Variants in CLSTN2 observed in about 807,000 individuals in gnomAD.
CLSTN2 encodes calsyntenin 2, also known as calsyntenin-2.
In CLSTN2, 48 loss-of-function variants were observed where a neutral mutation model predicts 101.2. The ratio of observed to expected loss-of-function variants is 0.47; its 90% CI spans 0.38 to 0.60. CLSTN2 has a LOEUF of 0.60. Among genes scored for constraint, CLSTN2 ranks in the 20% least tolerant of loss-of-function variants. The pLI, the probability that CLSTN2 is intolerant of heterozygous loss-of-function variation, is 0.00. For missense variants in CLSTN2, 1,160 were observed against 1,238.2 expected (o/e 0.94, Z 0.95); for synonymous variants, 481 against 463.6 (o/e 1.04, Z -0.48).
At chr3:140,151,008 T>G (rs59850626) in intron 1 of CLSTN2, among the ~76,000 whole-genome samples, 1 of 151,834 alleles carries the variant, frequency 6.6e-6, no homozygotes, top group Non-Finnish European at 1.5e-5. Context: ...TTATCACTGA[T>G]GTTGGATTGT....
chr3:140,053,910 T>C (rs955490079), intron 1 of CLSTN2, among the ~76,000 whole-genome samples: 4 of 152,168 alleles, frequency 2.6e-5, no homozygotes, highest in Non-Finnish European at 5.9e-5. Context: ...AAGCCCCTTT[T>C]GGTGTTTGAA....
intron 8 of CLSTN2, among the ~76,000 whole-genome samples, chr3:140,477,466 C>G (rs1358170494): frequency 1.3e-5 from 2 of 152,044 alleles, no homozygotes; most frequent in African/African-American, 4.8e-5. Flanking sequence ...GAAACGTTAA[C>G]CAGAAACATA....
intron 1 of CLSTN2, among the ~76,000 whole-genome samples, chr3:140,036,957 A>G (rs536728145): frequency 6.6e-6 from 1 of 152,318 alleles, no homozygotes; most frequent in African/African-American, 2.4e-5. Context: ...AAATACATAA[A>G]AAAATTAAAA....
At chr3:140,415,511 C>A (rs971772142) in intron 4 of CLSTN2, among the ~76,000 whole-genome samples, 7,833 of 62,108 alleles carry the variant, frequency 0.13, 123 homozygotes, top group Non-Finnish European at 0.15. Flanking sequence ...AAAAAAAAAA[C>A]AAACTGATTT....
chr3:140,031,651 T>C (rs1030964520), intron 1 of CLSTN2, among the ~76,000 whole-genome samples: 3 of 152,216 alleles, frequency 2.0e-5, no homozygotes, highest in Admixed American at 2.0e-4. Flanking sequence ...TGTAGTTTCC[T>C]GATTCCAGGT....
intron 2 of CLSTN2, among the ~76,000 whole-genome samples, chr3:140,334,802 T>C (rs2087424264): frequency 6.6e-6 from 1 of 151,754 alleles, no homozygotes; most frequent in Admixed American, 6.6e-5. Flanking sequence ...CAGGCCGAAG[T>C]TGGAAGGAAG....
At chr3:140,063,448 G>A (rs4683795) in intron 1 of CLSTN2, among the ~76,000 whole-genome samples, 70,724 of 151,868 alleles carry the variant, frequency 0.47, 17,179 homozygotes, top group South Asian at 0.63. Flanking sequence ...TCTTCACTCC[G>A]CGTCCATGCT....
chr3:140,490,959 A>G (rs1338689939), intron 8 of CLSTN2, among the ~76,000 whole-genome samples: 9 of 152,214 alleles, frequency 5.9e-5, no homozygotes, highest in Admixed American at 5.9e-4. Context: ...CAGTTTATCC[A>G]GAGAGACAGA....
At chr3:140,558,948 TAATGTATACATGGCTTA>T in intron 12 of CLSTN2, 91 bp downstream of exon 12, 1 of 993,478 alleles carries the variant, frequency 1.0e-6, no homozygotes, top group Non-Finnish European at 1.5e-6. Context: ...ATTGTTCATG[TAATGTATACATGGCTTA>T]AATGTATACA....
At chr3:140,409,558 C>T (rs1028058253) in intron 4 of CLSTN2, among the ~76,000 whole-genome samples, 1 of 152,182 alleles carries the variant, frequency 6.6e-6, no homozygotes, top group African/African-American at 2.4e-5. Flanking sequence ...AAGGATTTTC[C>T]TTAATGAATC....
At chr3:139,969,559 G>A (rs1935659068) in intron 1 of CLSTN2, among the ~76,000 whole-genome samples, 1 of 152,042 alleles carries the variant, frequency 6.6e-6, no homozygotes, top group Admixed American at 6.6e-5. Flanking sequence ...TGACTCTCAG[G>A]CCCTGCCATC....
At chr3:140,332,705 CAAAAAAA>C (rs66752830) in intron 2 of CLSTN2, among the ~76,000 whole-genome samples, 1 of 139,256 alleles carries the variant, frequency 7.2e-6, no homozygotes, top group African/African-American at 2.7e-5. Flanking sequence ...TCTTTTCTGG[CAAAAAAA>C]AAAAAAAAAT....
intron 5 of CLSTN2, among the ~76,000 whole-genome samples, chr3:140,444,943 CT>C (rs749755554): frequency 2.0e-5 from 3 of 152,224 alleles, no homozygotes; most frequent in Non-Finnish European, 4.4e-5. Flanking sequence ...CTTTTGCTCT[CT>C]TAAGCCCATC....
At chr3:140,439,450 G>A (rs551753500) in intron 5 of CLSTN2, among the ~76,000 whole-genome samples, 1 of 152,200 alleles carries the variant, frequency 6.6e-6, no homozygotes, top group Non-Finnish European at 1.5e-5. Flanking sequence ...CACAGAGTCA[G>A]TCATCACAGT....
In CLSTN2 at chr3:140,407,509, G is replaced by A. The variant is rs115900385; in HGVS notation, c.637+2743G>A. On this transcript the variant is annotated intron_variant, in intron 4 of 16. Coordinates refer to ENST00000458420, the MANE Select transcript of CLSTN2 (RefSeq NM_022131.3). ...GCATTATCAGTCCTTACCCCATTGTGGGGTTGTGAGTATTCAAGGAGAAGC... is the reference window on the plus strand; with the variant it reads ...GCATTATCAGTCCTTACCCCATTGTAGGGTTGTGAGTATTCAAGGAGAAGC... 2.6e-3 allele frequency among the ~76,000 whole-genome samples: 400 copies of A among 152,306 alleles called. 1 individual carries two copies. The highest frequency in any genetic ancestry group is 6.2e-3 in the Admixed American group (95 of 15,298).
intron 5 of CLSTN2, among the ~76,000 whole-genome samples, chr3:140,425,210 A>G (rs759712189): frequency 6.6e-6 from 1 of 152,138 alleles, no homozygotes; most frequent in African/African-American, 2.4e-5. Flanking sequence ...CCCAGTCCTT[A>G]CTGTGGCCAG....
chr3:140,366,101 C>A (rs1185146347), intron 2 of CLSTN2, among the ~76,000 whole-genome samples: 1 of 152,212 alleles, frequency 6.6e-6, no homozygotes, highest in East Asian at 1.9e-4. Context: ...TGACAGTCAG[C>A]CGTGTTCATC....
intron 2 of CLSTN2, among the ~76,000 whole-genome samples, chr3:140,397,119 A>AT (rs2088191299): frequency 6.6e-6 from 1 of 152,006 alleles, no homozygotes; most frequent in Non-Finnish European, 1.5e-5. Context: ...AAAAAGATAT[A>AT]TTTTTGGAAA....
intron 9 of CLSTN2, among the ~76,000 whole-genome samples, chr3:140,534,615 C>T (rs1273944294): frequency 2.0e-5 from 3 of 152,210 alleles, no homozygotes; most frequent in Non-Finnish European, 2.9e-5. Context: ...AGCCACATTG[C>T]ATGGCTGGAT....
Sources: gnomAD v4.1 joint callset for allele counts (sites outside exome capture counted in the v4.1 genomes callset) on GRCh38, gnomAD v4.1.1 for gene constraint, MANE v1.5 for transcripts, NCBI Gene and HGNC (gene_info 2026-07-23, HGNC 2026-07-21) for gene names.